Variants in TENM2 observed in about 807,000 individuals in gnomAD.
The protein encoded by TENM2 is teneurin transmembrane protein 2.
A neutral mutation model predicts 245.2 loss-of-function variants in TENM2; 52 were observed. The ratio of observed to expected loss-of-function variants is 0.21; its 90% CI spans 0.17 to 0.27. The LOEUF (loss-of-function observed/expected upper bound fraction) is 0.27, where lower values mean the gene tolerates loss of function less well. Ranked by LOEUF, TENM2 falls within the 10% of genes least tolerant of loss-of-function variation. TENM2 has a pLI of 1.00. For synonymous variants in TENM2, 1,363 were observed against 1,438.9 expected, an observed-to-expected ratio of 0.95 and a Z score of 1.19; for missense variants, 3,046 against 3,666.8, an observed-to-expected ratio of 0.83 and a Z score of 4.37.
At chr5:167,357,286 A>G (rs1020575497) in intron 1 of TENM2, among the ~76,000 whole-genome samples, 1 of 146,140 alleles carries the variant, frequency 6.8e-6, no homozygotes, top group African/African-American at 2.5e-5. Context: ...CCCCTTATGC[A>G]AGAGCCATCC....
At chr5:167,605,818 T>A (rs1270082333) in intron 2 of TENM2, among the ~76,000 whole-genome samples, 1 of 152,162 alleles carries the variant, frequency 6.6e-6, no homozygotes, top group Non-Finnish European at 1.5e-5. Context: ...CCTGAAGTGG[T>A]TCTTTCCCGG....
chr5:167,934,501 C>T (rs1778539409), intron 3 of TENM2, among the ~76,000 whole-genome samples: 2 of 152,128 alleles, frequency 1.3e-5, no homozygotes, highest in Admixed American at 1.3e-4. Flanking sequence ...CCTTTAAAAG[C>T]AAGTACTTGA....
At chr5:168,191,823 C>T (rs144066142) in intron 14 of TENM2, among the ~76,000 whole-genome samples, 71 of 152,088 alleles carry the variant, frequency 4.7e-4, no homozygotes, top group African/African-American at 1.5e-3. Flanking sequence ...GACAGCCCAG[C>T]GAGGGTGGGA....
chr5:167,797,566 T>C (rs1765409552), intron 2 of TENM2, among the ~76,000 whole-genome samples: 1 of 152,210 alleles, frequency 6.6e-6, no homozygotes, highest in South Asian at 2.1e-4. Context: ...TGTAAGTCAT[T>C]GTATTTCTTT....
chr5:168,082,752 A>T (rs564837153), intron 7 of TENM2, among the ~76,000 whole-genome samples: 1 of 152,284 alleles, frequency 6.6e-6, no homozygotes, highest in South Asian at 2.1e-4. Flanking sequence ...TCACCAGCGG[A>T]GGCTGCAGAA....
At chr5:167,418,912 G>A (rs950369743) in intron 2 of TENM2, among the ~76,000 whole-genome samples, 8 of 152,088 alleles carry the variant, frequency 5.3e-5, no homozygotes, top group African/African-American at 1.7e-4. Context: ...ATAGAAGTGT[G>A]CCTGTGTCGC....
At chr5:168,252,614 C>T (rs929823516) in intron 27 of TENM2, among the ~76,000 whole-genome samples, 7 of 151,784 alleles carry the variant, frequency 4.6e-5, no homozygotes, top group Admixed American at 1.3e-4. Context: ...GAGGCCGAGG[C>T]GGGTGGATCA....
chr5:167,293,711 A>G (rs898922420), intron 1 of TENM2, among the ~76,000 whole-genome samples: 3 of 152,182 alleles, frequency 2.0e-5, no homozygotes, highest in Non-Finnish European at 4.4e-5. Flanking sequence ...TTGTTAGTTC[A>G]GGTTCTTCTG....
rs17068777 is a variant in TENM2, at chr5:167,585,214, A to C, written c.502+209741A>C. On this transcript the variant is annotated intron_variant, in intron 2 of 28. Coordinates refer to ENST00000518659, the Ensembl canonical transcript of TENM2. ...CCGGATCCTTAATCCCCAGAATAGAATCGTTATTTTAGTTGGAGGAAGATG... is the reference window on the plus strand; with the variant it reads ...CCGGATCCTTAATCCCCAGAATAGACTCGTTATTTTAGTTGGAGGAAGATG... Among the ~76,000 whole-genome samples the C allele has an allele frequency of 9.1e-3, 1,392 of 152,204 alleles. 42 individuals carry two copies. Among genetic ancestry groups the C allele is most frequent in the East Asian group, 0.08 (410 of 5,156 alleles).
chr5:168,244,453 G>A lies in TENM2; in HGVS notation c.5554G>A (p.Asp1852Asn). 1.3e-6 allele frequency: 2 copies of A among 1,576,136 alleles called. No homozygotes were observed. Among genetic ancestry groups the A allele is most frequent in the Non-Finnish European group, 1.7e-6 (2 of 1,154,592 alleles). ...AAGAAATCTCTTGTCCATTGACTAT[G>A]ATCGAAATATTCGGACTGAAAAGAT... Residue 1852 changes from aspartate to asparagine, a missense_variant, in exon 26 of 29, where the codon GAT becomes AAT. Asp to Asn is a conservative substitution (Grantham distance 23). Around this residue, in one of 2 missense-constraint regions of TENM2, gnomAD observed 2,704 missense variants for 3,331.9 expected, o/e 0.81. Transcript: ENST00000518659. The surrounding 1 kb of genome is among the most constrained non-coding windows in gnomAD (Gnocchi z 4.9).
the TENM2 span, among the ~76,000 whole-genome samples, chr5:167,059,708 C>CTTTT: frequency 2.8e-4 from 40 of 142,820 alleles, no homozygotes; most frequent in African/African-American, 1.0e-3. Flanking sequence ...AAGTAAATGT[C>CTTTT]TTTTTTTTTT....
At chr5:166,991,366 C>A in the TENM2 span, among the ~76,000 whole-genome samples, 1 of 150,664 alleles carries the variant, frequency 6.6e-6, no homozygotes, top group African/African-American at 2.4e-5. Context: ...TATTTGTGTG[C>A]GTATGGTTTT....
At chr5:167,638,360 A>T (rs1157919010) in intron 2 of TENM2, among the ~76,000 whole-genome samples, 1 of 152,210 alleles carries the variant, frequency 6.6e-6, no homozygotes, top group African/African-American at 2.4e-5. Flanking sequence ...TAGCACCCCA[A>T]GTCTGGACAG....
At chr5:167,040,038 C>G in the TENM2 span, among the ~76,000 whole-genome samples, 1 of 152,120 alleles carries the variant, frequency 6.6e-6, no homozygotes, top group Non-Finnish European at 1.5e-5. Flanking sequence ...TGTCTGGCAG[C>G]AGAAATAGGA....
intron 2 of TENM2, among the ~76,000 whole-genome samples, chr5:167,783,490 C>T (rs147691825): frequency 6.6e-6 from 1 of 152,168 alleles, no homozygotes; most frequent in South Asian, 2.1e-4. Context: ...CTCTACAGCA[C>T]CAGTTGCAAT....
At chr5:167,401,991 TTTGA>T (rs1762392320) in intron 2 of TENM2, among the ~76,000 whole-genome samples, 1 of 152,180 alleles carries the variant, frequency 6.6e-6, no homozygotes, top group African/African-American at 2.4e-5. Flanking sequence ...CCTCCTTTAC[TTTGA>T]TTATTTAATC....
chr5:167,734,023 A>G (rs1168369634), intron 2 of TENM2, among the ~76,000 whole-genome samples: 1 of 152,200 alleles, frequency 6.6e-6, no homozygotes, highest in Non-Finnish European at 1.5e-5. Context: ...GACTTCAGAT[A>G]ACACTTTGCC....
At chr5:167,358,898 C>A (rs13154773) in intron 1 of TENM2, among the ~76,000 whole-genome samples, 2 of 151,622 alleles carry the variant, frequency 1.3e-5, no homozygotes, top group East Asian at 3.9e-4. Context: ...TAGTAACTCT[C>A]TCTTAGTTTT....
At chr5:167,625,038 C>T (rs1413388549) in intron 2 of TENM2, among the ~76,000 whole-genome samples, 1 of 152,082 alleles carries the variant, frequency 6.6e-6, no homozygotes, top group Non-Finnish European at 1.5e-5. Flanking sequence ...TCCTTGAGGC[C>T]TCATTTAGCA....
Sources: allele counts gnomAD v4.1 joint callset (sites outside exome capture counted in the v4.1 genomes callset), GRCh38; gene constraint gnomAD v4.1.1; regional missense constraint gnomAD v4.1.1; non-coding constraint Gnocchi (gnomAD v3.1); transcripts MANE v1.5; gene names NCBI Gene and HGNC (gene_info 2026-07-23, HGNC 2026-07-21).